XRN1: variants seen among roughly 807,000 people sequenced by gnomAD.
XRN1 encodes the protein strand-exchange protein 1 homolog.
Under a neutral mutation model 222.3 loss-of-function variants are expected in XRN1, and 67 were observed. The observed-to-expected ratio is 0.30, with a 90% CI of 0.25 to 0.37. XRN1 has a LOEUF of 0.37. XRN1 is among the 10% of genes least tolerant of loss of function. The probability of loss-of-function intolerance (pLI) is 1.00; values close to 1 mark genes in which losing one functional copy is unlikely to be tolerated. For synonymous variants in XRN1, 643 were observed against 652.4 expected, an observed-to-expected ratio of 0.99 and a Z score of 0.22; for missense variants, 1,707 against 2,000.2, an observed-to-expected ratio of 0.85 and a Z score of 2.80.
In XRN1 at chr3:142,307,149, A is replaced by T. The variant is rs1029911858; in HGVS notation, c.*4362T>A. The T allele has an allele frequency of 6.6e-6, 1 of 152,082 alleles. No homozygotes were observed. The highest frequency in any genetic ancestry group is 2.4e-5 in the African/African-American group (1 of 41,390). 9.4% of individuals were successfully genotyped at this position (152,082 alleles called of 1,614,324 possible). Reference sequence around the variant, plus strand: ...CAAAAAAATCCAAAAAACGAAAACAACCTCCCCATCCCCCACCAAACCCTT... The same window carrying T: ...CAAAAAAATCCAAAAAACGAAAACATCCTCCCCATCCCCCACCAAACCCTT... On this transcript the variant is annotated 3_prime_UTR_variant, in exon 41 of 41. Coordinates refer to ENST00000392981, the MANE Select transcript of XRN1 (RefSeq NM_001282857.2).
intron 35 of XRN1, 30 bp downstream of exon 35, chr3:142,332,937 A>G: frequency 1.2e-6 from 2 of 1,609,098 alleles, no homozygotes; most frequent in Non-Finnish European, 1.7e-6. Context: ...AGAAATTACC[A>G]CAGTAAGAAA....
At position 142,323,591 on chromosome 3, in the gene XRN1, T is replaced by C. The variant is rs183723000; in HGVS notation, c.4405-4688A>G. Among the ~76,000 whole-genome samples the C allele has an allele frequency of 4.2e-3, 646 of 152,308 alleles. 12 individuals are homozygous for C. The highest frequency in any genetic ancestry group is 0.015 in the African/African-American group (627 of 41,578). On this transcript the variant is annotated intron_variant, in intron 37 of 40. Transcript: ENST00000392981. ...GTATCTGTATGAGGACATAGATTTC[T>C]ACAAAAAAACACGTATCACTAGGGA... is the stretch of plus-strand genomic sequence containing the variant.
chr3:142,376,241 CCT>C (rs1385682748), intron 24 of XRN1: 3 of 603,300 alleles, frequency 5.0e-6, no homozygotes, highest in African/African-American at 1.9e-5. Flanking sequence ...TCACACACAC[CCT>C]CTGATACCTT....
At chr3:142,442,715 T>C (rs935678161) in intron 1 of XRN1, among the ~76,000 whole-genome samples, 4 of 152,104 alleles carry the variant, frequency 2.6e-5, no homozygotes, top group Admixed American at 1.3e-4. Context: ...GGCCATACAT[T>C]TCAATCCCTG....
chr3:142,371,753 C>T lies in XRN1; in HGVS notation c.2979-425G>A, dbSNP rs77176853. On this transcript the variant is annotated intron_variant, in intron 25 of 40. Transcript: ENST00000392981. ...TCTTTCTGAAGAGTGCAGGACTTTT[C>T]GATACATATAGCAAACTGAACGTAT... Among the ~76,000 whole-genome samples, 779 of 152,172 alleles carry T rather than the reference C, an allele frequency of 5.1e-3. 9 individuals are homozygous for T. The highest frequency in any genetic ancestry group is 0.018 in the African/African-American group (758 of 41,522).
rs149973379 is a variant in XRN1, at chr3:142,441,683, TCAGA to T, written c.75+6183_75+6186del. The stretch of plus-strand genomic sequence containing the variant: ...CACTGCTAAAGGAGACTTGTGGCTC[TCAGA>T]CAACCATTTACTTAAATATCAGGCT... On this transcript the variant is annotated intron_variant, in intron 1 of 40. Transcript: ENST00000392981. Among the ~76,000 whole-genome samples the T allele has an allele frequency of 1.1e-3, 160 of 152,358 alleles. 1 individual carries two copies. The East Asian group carries it at 0.024, about 23-fold the overall frequency.
intron 1 of XRN1, among the ~76,000 whole-genome samples, chr3:142,446,923 A>G (rs1427030641): frequency 6.6e-6 from 1 of 152,260 alleles, no homozygotes; most frequent in African/African-American, 2.4e-5. Context: ...ATAATTTAAT[A>G]GGCTATTTAC....
rs372226900 is a variant in XRN1, at chr3:142,370,530, A to C, written c.3159T>G (p.Asp1053Glu). The change falls in exon 27 of 41, where the codon GAT becomes GAG. Residue 1053 changes from aspartate to glutamate, a missense_variant. This residue lies in a region of XRN1 where 1,234 missense variants were observed against 1,518.2 expected (regional missense o/e 0.81). Coordinates refer to ENST00000392981, the MANE Select transcript of XRN1 (RefSeq NM_001282857.2). ...SRSSCDLQIL[D>E]AAIVEKIEEE... Reference sequence around the variant, plus strand: ...CCTCAATTTTCTCAACAATAGCTGCATCCAGAATTTGTAAATCACAAGAAG... The same window carrying C: ...CCTCAATTTTCTCAACAATAGCTGCCTCCAGAATTTGTAAATCACAAGAAG... 8.7e-6 allele frequency: 14 copies of C among 1,607,684 alleles called. No individual in the cohort carries two copies. Among genetic ancestry groups the C allele is most frequent in the African/African-American group, 1.3e-5 (1 of 74,592 alleles).
intron 27 of XRN1, among the ~76,000 whole-genome samples, chr3:142,366,324 G>C (rs1370700121): frequency 6.6e-6 from 1 of 152,178 alleles, no homozygotes; most frequent in Non-Finnish European, 1.5e-5. Flanking sequence ...ACACAGAACA[G>C]ATCCAGGCTA....
At chr3:142,406,098 CAAATTACAAAAGAG>C (rs2068326182) in intron 15 of XRN1, among the ~76,000 whole-genome samples, 1 of 151,668 alleles carries the variant, frequency 6.6e-6, no homozygotes, top group Admixed American at 6.6e-5. Flanking sequence ...TATAAACAAG[CAAATTACAAAAGAG>C]AAAATGGAAA....
At chr3:142,380,414 A>T (rs1343324546) in intron 22 of XRN1, among the ~76,000 whole-genome samples, 2 of 152,084 alleles carry the variant, frequency 1.3e-5, no homozygotes, top group African/African-American at 4.8e-5. Context: ...TCACTGTATC[A>T]TTGCTTTAAT....
intron 15 of XRN1, among the ~76,000 whole-genome samples, chr3:142,411,822 A>T (rs919115033): frequency 1.0e-4 from 14 of 138,566 alleles, no homozygotes; most frequent in South Asian, 2.3e-4. Flanking sequence ...CTTACTGAAA[A>T]TTTTTTTTTT....
At chr3:142,397,605 A>G (rs2067978383) in intron 19 of XRN1, 145 bp from the exon 20 acceptor site, 1 of 513,214 alleles carries the variant, frequency 1.9e-6, no homozygotes, top group Non-Finnish European at 3.1e-6. Flanking sequence ...TTACAAAACT[A>G]TAATAATTAC....
In XRN1 at chr3:142,432,901, A is replaced by C; in HGVS notation, c.76-8T>G. 6.3e-7 allele frequency: 1 copy of C among 1,589,684 alleles called. No individual in the cohort carries two copies. Among genetic ancestry groups the C allele is most frequent in the Non-Finnish European group, 8.6e-7 (1 of 1,162,456 alleles). ...GTTGTCAAATTCAGGAATCTGAAAA[A>C]CAAAGAAAAATGCTTGAGATCATTT... On this transcript the variant is annotated splice_region_variant and splice_polypyrimidine_tract_variant and intron_variant, in intron 1 of 40. Coordinates refer to ENST00000392981, the MANE Select transcript of XRN1 (RefSeq NM_001282857.2).
intron 2 of XRN1, among the ~76,000 whole-genome samples, chr3:142,430,824 CTG>C (rs2069489237): frequency 6.6e-6 from 1 of 152,224 alleles, no homozygotes; most frequent in Non-Finnish European, 1.5e-5. Context: ...CCTGATCTCA[CTG>C]TTACACAGAA....
At chr3:142,400,666 C>T (rs893891360) in intron 18 of XRN1, 119 bp from the exon 19 acceptor site, 2 of 697,684 alleles carry the variant, frequency 2.9e-6, no homozygotes, top group Non-Finnish European at 2.4e-6. Flanking sequence ...CAAGTTGGGG[C>T]CGGGTGCAGT....
At chr3:142,406,234 C>T (rs1178843180) in intron 15 of XRN1, among the ~76,000 whole-genome samples, 3 of 152,002 alleles carry the variant, frequency 2.0e-5, no homozygotes, top group Non-Finnish European at 4.4e-5. Flanking sequence ...GACAAGGTTG[C>T]CAAGAACACA....
chr3:142,397,609 T>C (rs1577361269), intron 19 of XRN1, 149 bp from the exon 20 acceptor site: 1 of 493,966 alleles, frequency 2.0e-6, no homozygotes, highest in Non-Finnish European at 3.2e-6. Context: ...AAAACTATAA[T>C]AATTACAGGT....
chr3:142,408,192 A>G (rs1434374780), intron 15 of XRN1, among the ~76,000 whole-genome samples: 1 of 152,202 alleles, frequency 6.6e-6, no homozygotes, highest in African/African-American at 2.4e-5. Flanking sequence ...GTCCTTTTTG[A>G]CACTGTCAAC....
Sources: gnomAD v4.1 joint callset for allele counts (sites outside exome capture counted in the v4.1 genomes callset) on GRCh38, gnomAD v4.1.1 for gene constraint, gnomAD v4.1.1 regional missense constraint, MANE v1.5 for transcripts, NCBI Gene and HGNC (gene_info 2026-07-23, HGNC 2026-07-21) for gene names.